HMCN1: variants seen among roughly 807,000 people sequenced by gnomAD.
HMCN1 encodes hemicentin 1.
In HMCN1, 321 loss-of-function variants were observed where a neutral mutation model predicts 625.9. The ratio of observed to expected loss-of-function variants is 0.51; its 90% confidence interval spans 0.47 to 0.56. HMCN1 has a LOEUF of 0.56. Ranked by LOEUF, HMCN1 falls within the 20% of genes least tolerant of loss-of-function variation. The probability of loss-of-function intolerance (pLI) is 0.00; values close to 1 mark genes in which losing one functional copy is unlikely to be tolerated. For synonymous variants in HMCN1, 2,425 were observed against 2,417.6 expected (o/e 1.00, Z -0.09); for missense variants, 6,588 against 6,887.3 (o/e 0.96, Z 1.54).
At chr1:186,098,537 TAAC>T (rs1660244240) in intron 68 of HMCN1, among the ~76,000 whole-genome samples, 2 of 151,972 alleles carry the variant, frequency 1.3e-5, no homozygotes, top group South Asian at 4.1e-4. Flanking sequence ...AGATAAGAGA[TAAC>T]AAGAGTCGGC....
chr1:185,826,512 G>T (rs1421358399), intron 1 of HMCN1, among the ~76,000 whole-genome samples: 1 of 151,996 alleles, frequency 6.6e-6, no homozygotes, highest in Admixed American at 6.6e-5. Context: ...TGAAGATGAG[G>T]GATACACACT....
chr1:186,009,857 G>A (rs1157939628), intron 30 of HMCN1, among the ~76,000 whole-genome samples: 1 of 152,148 alleles, frequency 6.6e-6, no homozygotes, highest in Admixed American at 6.6e-5. Context: ...TTGGAGGTTT[G>A]AGAGCTTCCC....
At chr1:185,868,764 A>G (rs1452062280) in intron 4 of HMCN1, among the ~76,000 whole-genome samples, 2 of 152,180 alleles carry the variant, frequency 1.3e-5, no homozygotes, top group Non-Finnish European at 2.9e-5. Context: ...TAATTCTGAC[A>G]ATTACCAGAT....
At chr1:185,967,437 T>C (rs1425945585) in intron 14 of HMCN1, among the ~76,000 whole-genome samples, 1 of 152,144 alleles carries the variant, frequency 6.6e-6, no homozygotes, top group African/African-American at 2.4e-5. Context: ...GGTTCAATAA[T>C]CTATCATTTT....
intron 52 of HMCN1, among the ~76,000 whole-genome samples, 154 bp downstream of exon 52, chr1:186,070,911 A>AG (rs1658440418): frequency 6.6e-6 from 1 of 152,224 alleles, no homozygotes; most frequent in Non-Finnish European, 1.5e-5. Flanking sequence ...ACTTAAAAAA[A>AG]AAACCCAACC....
At chr1:185,947,228 C>T (rs546372407) in intron 11 of HMCN1, among the ~76,000 whole-genome samples, 1 of 152,156 alleles carries the variant, frequency 6.6e-6, no homozygotes, top group South Asian at 2.1e-4. Context: ...TCCAATAGGA[C>T]TTTCTGCAAT....
chr1:186,043,002 G>A (rs922316928), intron 40 of HMCN1, among the ~76,000 whole-genome samples: 1 of 151,974 alleles, frequency 6.6e-6, no homozygotes, highest in African/African-American at 2.4e-5. Flanking sequence ...AGTATGTTTT[G>A]CCATACCCTG....
At chr1:186,047,151 A>C (rs1031668289) in intron 41 of HMCN1, among the ~76,000 whole-genome samples, 2 of 152,122 alleles carry the variant, frequency 1.3e-5, no homozygotes, top group Non-Finnish European at 2.9e-5. Context: ...GTTACGGGCA[A>C]AGGATGGAGA....
chr1:185,980,857 T>C (rs1374288493), intron 16 of HMCN1, 121 bp from the exon 17 acceptor site: 1 of 763,808 alleles, frequency 1.3e-6, no homozygotes, highest in East Asian at 2.5e-5. Flanking sequence ...TTTCTGTGTA[T>C]GTCCCTTCTT....
Position 186,017,023 on chromosome 1 carries a change from T to C in HMCN1, c.5252T>C (p.Leu1751Ser). Reference sequence around the variant, plus strand: ...TACTTCATTGTGATGGTTAATAACTTACTGGAGCTAGATTGTCATGTGACA... The same window carrying C: ...TACTTCATTGTGATGGTTAATAACTCACTGGAGCTAGATTGTCATGTGACA... ...TSYFIVMVNNLLELDCHVTGS... is the reference protein window; with the variant it reads ...TSYFIVMVNNSLELDCHVTGS... The change falls in exon 33 of 107, where the codon TTA (leucine) becomes TCA (serine). Residue 1751 changes from leucine (L) to serine (S), a missense_variant. Physicochemically the swap from Leu to Ser is moderately radical, Grantham distance 145. Coordinates refer to ENST00000271588, the MANE Select transcript of HMCN1 (RefSeq NM_031935.3). 2 of 1,610,266 alleles carry C rather than the reference T, an allele frequency of 1.2e-6. No individual in the cohort carries two copies. Among genetic ancestry groups the C allele is most frequent in the Non-Finnish European group, 1.7e-6 (2 of 1,176,826 alleles).
intron 1 of HMCN1, among the ~76,000 whole-genome samples, chr1:185,735,828 A>G (rs1408378875): frequency 6.6e-6 from 1 of 152,212 alleles, no homozygotes; most frequent in East Asian, 1.9e-4. Flanking sequence ...TGAGGCTTAT[A>G]GGAGCCCCCA....
At chr1:186,159,106 T>G (rs1484314264) in intron 97 of HMCN1, among the ~76,000 whole-genome samples, 2 of 151,694 alleles carry the variant, frequency 1.3e-5, no homozygotes, top group Non-Finnish European at 2.9e-5. Context: ...TTTTATTTCA[T>G]TGAGCAGTGG....
chr1:185,848,607 G>A (rs1041114372), intron 2 of HMCN1, among the ~76,000 whole-genome samples: 1 of 151,868 alleles, frequency 6.6e-6, no homozygotes, highest in Non-Finnish European at 1.5e-5. Context: ...TCAGTCCTTG[G>A]ATGTCACAAT....
At chr1:186,137,427 T>A in intron 87 of HMCN1, 71 bp from the exon 88 acceptor site, 2 of 1,521,278 alleles carry the variant, frequency 1.3e-6, no homozygotes, top group Non-Finnish European at 1.8e-6. Context: ...CCCGTGCATA[T>A]CTTAAATGAA....
chr1:186,082,757 T>C (rs1235199968), intron 56 of HMCN1, 108 bp from the exon 57 acceptor site: 7 of 483,104 alleles, frequency 1.4e-5, no homozygotes, highest in Non-Finnish European at 2.5e-5. Flanking sequence ...TTTTTTTCTA[T>C]CTGGTATTAA....
At chr1:185,956,084 A>G (rs953597404) in intron 11 of HMCN1, among the ~76,000 whole-genome samples, 1 of 152,166 alleles carries the variant, frequency 6.6e-6, no homozygotes, top group African/African-American at 2.4e-5. Flanking sequence ...ATTATTAATC[A>G]TATTATATAT....
chr1:186,100,608 A>T (rs192386782), intron 68 of HMCN1, among the ~76,000 whole-genome samples: 1 of 152,200 alleles, frequency 6.6e-6, no homozygotes, highest in Non-Finnish European at 1.5e-5. Context: ...ATAGAACTAC[A>T]GTTTGAGAAG....
intron 70 of HMCN1, among the ~76,000 whole-genome samples, chr1:186,107,709 G>A (rs1379772620): frequency 1.3e-5 from 2 of 152,018 alleles, no homozygotes; most frequent in Non-Finnish European, 2.9e-5. Flanking sequence ...GCATGCACAT[G>A]TTAGCCCATT....
At chr1:186,120,790 T>C (rs1212907207) in intron 80 of HMCN1, among the ~76,000 whole-genome samples, 5 of 152,222 alleles carry the variant, frequency 3.3e-5, no homozygotes, top group Non-Finnish European at 5.9e-5. Context: ...TTTTCAACAT[T>C]TATTCAACAT....
Sources: gnomAD v4.1 joint callset for allele counts (sites outside exome capture counted in the v4.1 genomes callset) on GRCh38, gnomAD v4.1.1 for gene constraint, MANE v1.5 for transcripts, NCBI Gene and HGNC (gene_info 2026-07-23, HGNC 2026-07-21) for gene names.